The following RGS7 variants were observed in gnomAD, a reference collection of about 807,000 sequenced individuals.
RGS7 encodes the protein regulator of G-protein signaling 7.
A neutral mutation model predicts 81.1 loss-of-function variants in RGS7; 27 were observed. The ratio of observed to expected loss-of-function variants is 0.33; its 90% CI spans 0.25 to 0.46. The LOEUF (loss-of-function observed/expected upper bound fraction) is 0.46, where lower values mean the gene tolerates loss of function less well. Among genes scored for constraint, RGS7 ranks in the 20% least tolerant of loss-of-function variants. The pLI is 1.00. For missense variants in RGS7, 396 were observed against 607.4 expected (o/e 0.65, Z 3.66); for synonymous variants, 208 against 207.7 (o/e 1.00, Z -0.01).
At chr1:241,231,928 T>C (rs2075683703) in intron 2 of RGS7, among the ~76,000 whole-genome samples, 2 of 152,224 alleles carry the variant, frequency 1.3e-5, no homozygotes, top group Non-Finnish European at 2.9e-5. Context: ...TTTTCTACCA[T>C]GTTTTCTTTT....
chr1:240,887,038 A>C (rs1397647803), intron 6 of RGS7, among the ~76,000 whole-genome samples: 1 of 152,036 alleles, frequency 6.6e-6, no homozygotes, highest in African/African-American at 2.4e-5. Flanking sequence ...ATTCCATAGG[A>C]CTGAGGTAAG....
intron 3 of RGS7, among the ~76,000 whole-genome samples, chr1:240,995,241 G>A (rs570646283): frequency 2.2e-4 from 33 of 152,150 alleles, no homozygotes; most frequent in African/African-American, 7.7e-4. Flanking sequence ...AATTCTATTT[G>A]TTATATTTTG....
intron 18 of RGS7, among the ~76,000 whole-genome samples, chr1:240,791,894 T>G (rs1301219161): frequency 1.3e-5 from 2 of 152,226 alleles, no homozygotes; most frequent in Non-Finnish European, 2.9e-5. Context: ...GAATTCTGCT[T>G]AACTCTTTTT....
At chr1:241,025,195 G>A (rs1182452073) in intron 3 of RGS7, among the ~76,000 whole-genome samples, 2 of 152,144 alleles carry the variant, frequency 1.3e-5, no homozygotes, top group African/African-American at 2.4e-5. Flanking sequence ...AGCTTTCAAG[G>A]AAAGTACAAA....
chr1:240,776,008 G>A lies in RGS7; in HGVS notation c.*212C>T. The A allele has an allele frequency of 1.4e-6, 1 of 697,192 alleles. No homozygotes were observed. The highest frequency in any genetic ancestry group is 2.7e-6 in the Non-Finnish European group (1 of 372,160). The allele number at this position is 697,192 out of a possible 1,614,324, so 43.2% of individuals were successfully genotyped here. A position where few individuals can be genotyped will look rare whatever the true frequency, so the allele number is the denominator to read the frequency against. On this transcript the variant is annotated 3_prime_UTR_variant, in exon 19 of 19. Transcript: ENST00000440928. ...GGAATGGAGGCATTGAGACGGAAGA[G>A]TCCATTGGAGATGGAATGTACACAC...
chr1:241,114,129 A>G (rs1044542834), intron 2 of RGS7, among the ~76,000 whole-genome samples: 2 of 152,156 alleles, frequency 1.3e-5, no homozygotes, highest in Admixed American at 1.3e-4. Context: ...CCAGCCTGGG[A>G]AGCCAAACCA....
At chr1:240,805,440 T>C (rs1293411328) in intron 15 of RGS7, among the ~76,000 whole-genome samples, 1 of 152,202 alleles carries the variant, frequency 6.6e-6, no homozygotes, top group Non-Finnish European at 1.5e-5. Flanking sequence ...ATTACAAGTT[T>C]ATTTTTCTTC....
chr1:241,175,954 G>A (rs1049442790), intron 2 of RGS7, among the ~76,000 whole-genome samples: 1 of 152,136 alleles, frequency 6.6e-6, no homozygotes, highest in Non-Finnish European at 1.5e-5. Context: ...TAATTTACAT[G>A]TAGCATCTTA....
intron 4 of RGS7, among the ~76,000 whole-genome samples, chr1:240,940,233 AT>A (rs1020408386): frequency 1.3e-5 from 2 of 152,106 alleles, no homozygotes; most frequent in African/African-American, 4.8e-5. Flanking sequence ...TTTTTCTTAA[AT>A]TTATTATTGT....
chr1:240,824,301 T>C (rs1168981823), intron 10 of RGS7, among the ~76,000 whole-genome samples: 1 of 152,256 alleles, frequency 6.6e-6, no homozygotes, highest in East Asian at 1.9e-4. Context: ...AAAATTATTA[T>C]AGCTCACTCC....
chr1:240,808,320 G>C (rs1689245288), intron 14 of RGS7, among the ~76,000 whole-genome samples: 1 of 152,162 alleles, frequency 6.6e-6, no homozygotes, highest in African/African-American at 2.4e-5. Flanking sequence ...GGAAAAGGGG[G>C]ATCTAGACAA....
intron 4 of RGS7, among the ~76,000 whole-genome samples, chr1:240,947,844 C>G (rs1055411788): frequency 6.6e-6 from 1 of 152,204 alleles, no homozygotes; most frequent in Non-Finnish European, 1.5e-5. Context: ...GATCTGGCCA[C>G]CCCAGTTACT....
chr1:241,179,354 C>CT (rs1459774873), intron 2 of RGS7, among the ~76,000 whole-genome samples: 1 of 152,132 alleles, frequency 6.6e-6, no homozygotes, highest in Admixed American at 6.5e-5. Context: ...CCGCCTCGGC[C>CT]CCCAAAGTGC....
chr1:241,353,433 A>C (rs2083370616), intron 2 of RGS7, among the ~76,000 whole-genome samples: 1 of 152,244 alleles, frequency 6.6e-6, no homozygotes, highest in East Asian at 1.9e-4. Context: ...GCAAATGATA[A>C]GCAAGGACGC....
intron 3 of RGS7, among the ~76,000 whole-genome samples, chr1:241,078,976 T>C (rs970779775): frequency 6.6e-6 from 1 of 152,134 alleles, no homozygotes; most frequent in African/African-American, 2.4e-5. Flanking sequence ...GAATATCCAA[T>C]CTTCTAAAAA....
chr1:240,777,211 C>G (rs112425368), intron 18 of RGS7, among the ~76,000 whole-genome samples: 2 of 151,842 alleles, frequency 1.3e-5, no homozygotes. Flanking sequence ...GAACCCAGGA[C>G]GCGGAGGTTG....
chr1:241,029,340 T>C (rs1411170243), intron 3 of RGS7, among the ~76,000 whole-genome samples: 1 of 152,142 alleles, frequency 6.6e-6, no homozygotes, highest in African/African-American at 2.4e-5. Context: ...CCCCATGTAA[T>C]TATATTCATT....
At chr1:241,024,046 T>C (rs1713546) in intron 3 of RGS7, among the ~76,000 whole-genome samples, 68,159 of 152,064 alleles carry the variant, frequency 0.45, 15,684 homozygotes, top group Middle Eastern at 0.56. Flanking sequence ...AGCCAACACA[T>C]CCGGCTGACA....
At chr1:241,250,605 T>A (rs1235910160) in intron 2 of RGS7, among the ~76,000 whole-genome samples, 1 of 152,156 alleles carries the variant, frequency 6.6e-6, no homozygotes, top group African/African-American at 2.4e-5. Context: ...TCCTATTGGG[T>A]CTGCAGGCCT....
Sources: allele counts gnomAD v4.1 joint callset (sites outside exome capture counted in the v4.1 genomes callset), GRCh38; gene constraint gnomAD v4.1.1; transcripts MANE v1.5; gene names NCBI Gene and HGNC (gene_info 2026-07-23, HGNC 2026-07-21).